HSF2BP: variants seen among roughly 807,000 people sequenced by gnomAD.
The protein encoded by HSF2BP is heat shock factor 2-binding protein.
A neutral mutation model predicts 35.0 loss-of-function variants in HSF2BP; 35 were observed. That is an observed-to-expected ratio of 1.00 (90% CI 0.76 to 1.32). HSF2BP has a LOEUF of 1.32. HSF2BP is among the 40% of genes most tolerant of loss of function. HSF2BP has a pLI of 0.00. For missense variants in HSF2BP, 326 were observed against 321.7 expected, an observed-to-expected ratio of 1.01 and a Z score of -0.10; for synonymous variants, 114 against 117.4, an observed-to-expected ratio of 0.97 and a Z score of 0.18.
chr21:43,645,839 G>T (rs1417708678), intron 3 of HSF2BP, among the ~76,000 whole-genome samples: 1 of 152,130 alleles, frequency 6.6e-6, no homozygotes, highest in African/African-American at 2.4e-5. Context: ...CACTTGTGGG[G>T]ACTGCTTAGA....
Position 43,632,877 on chromosome 21 carries a change from A to ATGTGTG in HSF2BP, c.441+389_441+394dup, listed in dbSNP as rs140139849. On this transcript the variant is annotated intron_variant, in intron 5 of 8. Transcript: ENST00000291560. Reference sequence around the variant, plus strand: ...TGCTCAAGGTTCTGCATCTATATGTATGTGTGTGTGTGTGTATGTATAAAC... The same window carrying ATGTGTG: ...TGCTCAAGGTTCTGCATCTATATGTATGTGTGTGTGTGTGTGTGTGTATGTATAAAC... Among the ~76,000 whole-genome samples, 7 of 150,462 alleles carry ATGTGTG rather than the reference A, an allele frequency of 4.7e-5. 1 individual carries two copies. Among genetic ancestry groups the ATGTGTG allele is most frequent in the African/African-American group, 1.5e-4 (6 of 40,928 alleles).
rs2082067262 is a variant in HSF2BP at position 43,602,793 on chromosome 21, A to T, written c.693-10465T>A. Reference sequence around the variant, plus strand: ...TCACAGACACTACACCCCAACTGGAAATCCAAGGAGAGGGTTATCCTGAGA... The same window carrying T: ...TCACAGACACTACACCCCAACTGGATATCCAAGGAGAGGGTTATCCTGAGA... On this transcript the variant is annotated intron_variant, in intron 7 of 8. Coordinates refer to ENST00000291560, the MANE Select transcript of HSF2BP (RefSeq NM_007031.2). 4.6e-5 allele frequency among the ~76,000 whole-genome samples: 7 copies of T among 152,290 alleles called. No homozygotes were observed. In the South Asian group the frequency reaches 1.5e-3, roughly 32 times the overall value.
At chr21:43,587,607 G>A (rs919021624) in intron 8 of HSF2BP, among the ~76,000 whole-genome samples, 1 of 149,694 alleles carries the variant, frequency 6.7e-6, no homozygotes, top group African/African-American at 2.5e-5. Context: ...GGAGGTTGTG[G>A]TGAGCAGAGA....
chr21:43,595,801 T>G (rs2081979817), intron 7 of HSF2BP, among the ~76,000 whole-genome samples: 1 of 122,730 alleles, frequency 8.1e-6, no homozygotes, highest in Non-Finnish European at 1.6e-5. Context: ...CTCGGCTCAC[T>G]GCAACCTCCG....
At chr21:43,635,091 A>T (rs1457194542) in intron 4 of HSF2BP, among the ~76,000 whole-genome samples, 2 of 152,140 alleles carry the variant, frequency 1.3e-5, no homozygotes, top group East Asian at 3.9e-4. Context: ...AAAAAAAACA[A>T]ACAAACCTCA....
chr21:43,595,983 G>A (rs763290244), intron 7 of HSF2BP, among the ~76,000 whole-genome samples: 3 of 151,778 alleles, frequency 2.0e-5, no homozygotes, highest in Non-Finnish European at 4.4e-5. Flanking sequence ...GCCTCCCAAC[G>A]TGCTGAGATT....
intron 2 of HSF2BP, among the ~76,000 whole-genome samples, chr21:43,657,229 G>A (rs990558410): frequency 3.3e-5 from 5 of 152,170 alleles, no homozygotes; most frequent in Non-Finnish European, 5.9e-5. Context: ...AATTAGCCAG[G>A]TGTGGTGGCC....
chr21:43,581,347 C>T (rs1318314606), intron 8 of HSF2BP, among the ~76,000 whole-genome samples: 1 of 150,896 alleles, frequency 6.6e-6, no homozygotes, highest in South Asian at 2.1e-4. Flanking sequence ...GATCACGCCT[C>T]TGAACTCCAG....
intron 7 of HSF2BP, among the ~76,000 whole-genome samples, chr21:43,599,825 C>T (rs1185429056): frequency 1.4e-5 from 2 of 148,130 alleles, no homozygotes; most frequent in Admixed American, 1.4e-4. Flanking sequence ...AATGTTATTT[C>T]TCAAACTAGT....
At chr21:43,643,372 TGTATG>T (rs1385843921) in intron 4 of HSF2BP, among the ~76,000 whole-genome samples, 1 of 151,828 alleles carries the variant, frequency 6.6e-6, no homozygotes, top group East Asian at 1.9e-4. Flanking sequence ...TAGTGAGAGG[TGTATG>T]GGTCATGGGA....
At chr21:43,651,538 C>T (rs1242729735) in intron 3 of HSF2BP, among the ~76,000 whole-genome samples, 1 of 152,180 alleles carries the variant, frequency 6.6e-6, no homozygotes, top group Non-Finnish European at 1.5e-5. Context: ...AACCATTCTC[C>T]TAAAAAACGT....
chr21:43,606,856 T>G (rs1405753109), intron 7 of HSF2BP, among the ~76,000 whole-genome samples: 3 of 152,008 alleles, frequency 2.0e-5, no homozygotes, highest in Non-Finnish European at 4.4e-5. Context: ...TCGCATGAGA[T>G]TGGAAGAGAA....
At chr21:43,636,060 A>T (rs1386468489) in intron 4 of HSF2BP, among the ~76,000 whole-genome samples, 3 of 151,410 alleles carry the variant, frequency 2.0e-5, no homozygotes, top group African/African-American at 7.3e-5. Context: ...AAAAAAAAAA[A>T]ATTTTTTTTA....
intron 7 of HSF2BP, among the ~76,000 whole-genome samples, chr21:43,603,231 C>T (rs191692348): frequency 4.6e-5 from 7 of 152,250 alleles, no homozygotes; most frequent in Non-Finnish European, 7.4e-5. Flanking sequence ...GACTCTGGGC[C>T]CTCCACATGC....
At chr21:43,585,637 C>T (rs1283075907) in intron 8 of HSF2BP, among the ~76,000 whole-genome samples, 1 of 150,002 alleles carries the variant, frequency 6.7e-6, no homozygotes, top group Non-Finnish European at 1.5e-5. Context: ...CTGACCAAGA[C>T]TCTGTCTCAA....
rs150355373 is a variant in HSF2BP at position 43,592,115 on chromosome 21, A to C, written c.796+110T>G. Reference sequence around the variant, plus strand: ...TAGTATATAGAGAGGATTTGGTGCTATCTCTGGTTTCAGACATCTACTAGG... The same window carrying C: ...TAGTATATAGAGAGGATTTGGTGCTCTCTCTGGTTTCAGACATCTACTAGG... On this transcript the variant is annotated intron_variant, in intron 8 of 8. Coordinates refer to ENST00000291560, the MANE Select transcript of HSF2BP (RefSeq NM_007031.2). 2.3e-3 allele frequency: 1,549 copies of C among 682,364 alleles called. 28 individuals are homozygous for C. The highest frequency in any genetic ancestry group is 0.015 in the South Asian group (844 of 55,906). 42.3% of individuals were successfully genotyped at this position (682,364 alleles called of 1,614,324 possible).
intron 7 of HSF2BP, among the ~76,000 whole-genome samples, chr21:43,596,420 A>G (rs2081988105): frequency 6.6e-6 from 1 of 152,036 alleles, no homozygotes; most frequent in Non-Finnish European, 1.5e-5. Flanking sequence ...ACAGCCTTTA[A>G]TACTTATTCC....
intron 7 of HSF2BP, among the ~76,000 whole-genome samples, chr21:43,610,997 A>G (rs1288252002): frequency 1.3e-5 from 2 of 152,176 alleles, no homozygotes; most frequent in East Asian, 3.9e-4. Context: ...TAGATCCACA[A>G]GCAATTTGTA....
chr21:43,603,067 A>C (rs1333806526), intron 7 of HSF2BP, among the ~76,000 whole-genome samples: 1 of 152,218 alleles, frequency 6.6e-6, no homozygotes, highest in Non-Finnish European at 1.5e-5. Flanking sequence ...AAGGAAGTAC[A>C]AAAAAAGGAA....
Sources: gnomAD v4.1 joint callset for allele counts (sites outside exome capture counted in the v4.1 genomes callset) on GRCh38, gnomAD v4.1.1 for gene constraint, MANE v1.5 for transcripts, NCBI Gene and HGNC (gene_info 2026-07-23, HGNC 2026-07-21) for gene names.